Variants in ZBTB38 observed in about 807,000 individuals in gnomAD.
ZBTB38 encodes the protein zinc finger and BTB domain containing 38.
In ZBTB38, 20 loss-of-function variants were observed where a neutral mutation model predicts 76.8. The ratio of observed to expected loss-of-function variants is 0.26; its 90% confidence interval spans 0.18 to 0.38. The LOEUF (loss-of-function observed/expected upper bound fraction) is 0.38, where lower values mean the gene tolerates loss of function less well. ZBTB38 is among the 10% of genes least tolerant of loss of function. ZBTB38 has a pLI of 1.00. For missense variants in ZBTB38, 1,082 were observed against 1,482.3 expected (o/e 0.73, Z 4.43); for synonymous variants, 504 against 544.2 (o/e 0.93, Z 1.03).
chr3:141,349,135 T>G (rs1943448812), intron 1 of ZBTB38, among the ~76,000 whole-genome samples: 1 of 152,080 alleles, frequency 6.6e-6, no homozygotes, highest in East Asian at 1.9e-4. Flanking sequence ...CTCTACCTTT[T>G]CTCCCTCACT....
At chr3:141,383,893 G>C (rs183512556) in intron 3 of ZBTB38, among the ~76,000 whole-genome samples, 1 of 152,210 alleles carries the variant, frequency 6.6e-6, no homozygotes, top group Admixed American at 6.5e-5. Context: ...CACATGCCCC[G>C]AGGAGGCTGA....
intron 5 of ZBTB38, among the ~76,000 whole-genome samples, chr3:141,437,320 ATCC>A (rs2079028620): frequency 6.6e-6 from 1 of 152,096 alleles, no homozygotes; most frequent in African/African-American, 2.4e-5. Flanking sequence ...CAGCAGCAGG[ATCC>A]AGTACATACC....
At chr3:141,423,316 T>C (rs566329601) in intron 5 of ZBTB38, among the ~76,000 whole-genome samples, 126 of 152,362 alleles carry the variant, frequency 8.3e-4, no homozygotes, top group African/African-American at 2.8e-3. Flanking sequence ...TATAGGTTTT[T>C]GTTTGTTTGT....
At chr3:141,344,473 A>T (rs1943285355) in intron 1 of ZBTB38, among the ~76,000 whole-genome samples, 1 of 152,202 alleles carries the variant, frequency 6.6e-6, no homozygotes. Flanking sequence ...GGCTGAAATG[A>T]TCCTCTTGCC....
chr3:141,377,799 T>G (rs1945600212), intron 2 of ZBTB38, among the ~76,000 whole-genome samples: 1 of 152,186 alleles, frequency 6.6e-6, no homozygotes, highest in Non-Finnish European at 1.5e-5. Flanking sequence ...TACATACAAT[T>G]CAAATGGATC....
At chr3:141,430,410 A>G (rs1426165939) in intron 5 of ZBTB38, among the ~76,000 whole-genome samples, 2 of 152,186 alleles carry the variant, frequency 1.3e-5, no homozygotes. Context: ...TGGATGAAGG[A>G]TAAGCCGCAT....
At chr3:141,325,672 T>C (rs1380437256) in intron 1 of ZBTB38, among the ~76,000 whole-genome samples, 2 of 152,252 alleles carry the variant, frequency 1.3e-5, no homozygotes, top group East Asian at 3.8e-4. Flanking sequence ...ACACCAGCTT[T>C]GCAAAGATTG....
At chr3:141,394,229 G>A (rs1949774628) in intron 4 of ZBTB38, 2 of 152,110 alleles carry the variant, frequency 1.3e-5, no homozygotes. Context: ...TGTTGGCCAG[G>A]ATGGTCTCAA....
At chr3:141,418,157 A>C (rs2074503437) in intron 5 of ZBTB38, among the ~76,000 whole-genome samples, 1 of 152,188 alleles carries the variant, frequency 6.6e-6, no homozygotes, top group Non-Finnish European at 1.5e-5. Flanking sequence ...GGGGGTGAGA[A>C]CTATGGGACT....
intron 1 of ZBTB38, among the ~76,000 whole-genome samples, chr3:141,330,577 A>G (rs1293102407): frequency 1.3e-5 from 2 of 152,242 alleles, no homozygotes; most frequent in East Asian, 1.9e-4. Context: ...ACCTTGTGTC[A>G]GACACTCAGA....
At chr3:141,365,688 G>A (rs923831253), upstream of ZBTB38, among the ~76,000 whole-genome samples, 1 of 152,114 alleles carries the variant, frequency 6.6e-6, no homozygotes, top group African/African-American at 2.4e-5. Flanking sequence ...AATCTATAGA[G>A]ACAGAAACTA....
intron 5 of ZBTB38, among the ~76,000 whole-genome samples, chr3:141,414,090 A>G (rs750857420): frequency 6.6e-6 from 1 of 152,248 alleles, no homozygotes; most frequent in African/African-American, 2.4e-5. Context: ...CAAAACCTAC[A>G]TGTGATTTAT....
rs1336869796 is a variant in ZBTB38, at chr3:141,413,795, T to C, written c.-1+9764T>C. ...TTTCTTGAAGCTTGAACAGACTTTATCATTAATGTGACTGACTGGAGCAAA... is the reference window on the plus strand; with the variant it reads ...TTTCTTGAAGCTTGAACAGACTTTACCATTAATGTGACTGACTGGAGCAAA... On this transcript the variant is annotated intron_variant, in intron 5 of 5. Transcript: ENST00000321464. The surrounding 1 kb of genome is among the most constrained non-coding windows in gnomAD (Gnocchi z 4.1). Among the ~76,000 whole-genome samples, 1 of 152,194 alleles carries C rather than the reference T, an allele frequency of 6.6e-6. No homozygotes were observed. The highest frequency in any genetic ancestry group is 2.4e-5 in the African/African-American group (1 of 41,446).
intron 1 of ZBTB38, among the ~76,000 whole-genome samples, chr3:141,362,657 G>A (rs1943854827): frequency 6.9e-6 from 1 of 143,966 alleles, no homozygotes; most frequent in South Asian, 2.2e-4. Context: ...ACTGGACAGA[G>A]CGGAAGGACC....
chr3:141,429,745 G>A (rs974685126), intron 5 of ZBTB38, among the ~76,000 whole-genome samples: 6 of 152,196 alleles, frequency 3.9e-5, no homozygotes, highest in African/African-American at 1.4e-4. Flanking sequence ...TGGCCCCTCC[G>A]AGGCGACATT....
At chr3:141,407,244 T>C (rs1954860292) in intron 5 of ZBTB38, among the ~76,000 whole-genome samples, 1 of 152,242 alleles carries the variant, frequency 6.6e-6, no homozygotes, top group South Asian at 2.1e-4. Flanking sequence ...TTCACGTGCA[T>C]ATGAGCTTAG....
At chr3:141,441,561 T>A (rs989532075) in intron 5 of ZBTB38, among the ~76,000 whole-genome samples, 1 of 150,640 alleles carries the variant, frequency 6.6e-6, no homozygotes, top group Admixed American at 6.6e-5. Flanking sequence ...GAGGCGGGGG[T>A]GCCCCTGGTG....
intron 5 of ZBTB38, among the ~76,000 whole-genome samples, chr3:141,436,740 C>T (rs1416986014): frequency 6.6e-6 from 1 of 152,138 alleles, no homozygotes; most frequent in Non-Finnish European, 1.5e-5. Flanking sequence ...TCAAGTGATC[C>T]ACCCACCTTG....
At chr3:141,333,254 G>T (rs1381028841) in intron 1 of ZBTB38, among the ~76,000 whole-genome samples, 1 of 152,154 alleles carries the variant, frequency 6.6e-6, no homozygotes, top group Non-Finnish European at 1.5e-5. Context: ...GGGGACTGGG[G>T]TTGGTGTGAG....
Sources: gnomAD v4.1 joint callset for allele counts (sites outside exome capture counted in the v4.1 genomes callset) on GRCh38, gnomAD v4.1.1 for gene constraint, Gnocchi (gnomAD v3.1) non-coding constraint, MANE v1.5 for transcripts, NCBI Gene and HGNC (gene_info 2026-07-23, HGNC 2026-07-21) for gene names.